Variants in POT1 observed in about 807,000 individuals in gnomAD.
POT1 encodes the protein protection of telomeres protein 1.
In POT1, 47 loss-of-function variants were observed where a neutral mutation model predicts 78.5. The ratio of observed to expected loss-of-function variants is 0.60; its 90% CI spans 0.47 to 0.76. POT1 has a LOEUF of 0.76. Among genes scored for constraint, POT1 ranks in the 30% least tolerant of loss-of-function variants. The probability of loss-of-function intolerance (pLI) is 0.00; values close to 1 mark genes in which losing one functional copy is unlikely to be tolerated. For missense variants in POT1, 646 were observed against 749.9 expected (o/e 0.86, Z 1.62); for synonymous variants, 259 against 260.7 (o/e 0.99, Z 0.06).
At chr7:124,878,428 A>G (rs1331281306) in intron 6 of POT1, among the ~76,000 whole-genome samples, 1 of 152,188 alleles carries the variant, frequency 6.6e-6, no homozygotes, top group Non-Finnish European at 1.5e-5. Flanking sequence ...CAGTGTGGTG[A>G]CCATACTTAA....
intron 14 of POT1, 65 bp downstream of exon 14, chr7:124,840,908 A>G: frequency 7.6e-7 from 1 of 1,310,538 alleles, no homozygotes; most frequent in South Asian, 1.3e-5. Flanking sequence ...TGTATTAAAC[A>G]ATAATTAATT....
chr7:124,823,780 C>A lies in POT1; in HGVS notation c.*182G>T, dbSNP rs1794563135. ...AGCAAAACAGAAAGCAAAACAAAAT[C>A]CATAGCCATTATTTACCTTGCACCC... On this transcript the variant is annotated 3_prime_UTR_variant, in exon 19 of 19. Coordinates refer to ENST00000357628, the MANE Select transcript of POT1 (RefSeq NM_015450.3). The A allele has an allele frequency of 1.8e-6, 1 of 548,300 alleles. No individual in the cohort carries two copies. Among genetic ancestry groups the A allele is most frequent in the Non-Finnish European group, 3.2e-6 (1 of 313,030 alleles). The allele number at this position is 548,300 out of a possible 1,614,324, so 34.0% of individuals were successfully genotyped here. A position where few individuals can be genotyped will look rare whatever the true frequency, so the allele number is the denominator to read the frequency against.
chr7:124,827,074 A>G (rs1007076394), intron 17 of POT1, 140 bp downstream of exon 17: 3 of 404,074 alleles, frequency 7.4e-6, no homozygotes, highest in African/African-American at 2.1e-5. Context: ...AGATGATTCA[A>G]GATTTATGTG....
At chr7:124,905,408 T>A (rs1796739268) in intron 3 of POT1, among the ~76,000 whole-genome samples, 1 of 152,118 alleles carries the variant, frequency 6.6e-6, no homozygotes, top group African/African-American at 2.4e-5. Flanking sequence ...TAAATGGTGC[T>A]GGGAAAACTG....
At chr7:124,905,936 A>T (rs1796754822) in intron 3 of POT1, among the ~76,000 whole-genome samples, 1 of 152,184 alleles carries the variant, frequency 6.6e-6, no homozygotes, top group African/African-American at 2.4e-5. Flanking sequence ...AACCACAATG[A>T]GATACCATCT....
chr7:124,891,252 A>G (rs1412559195), intron 6 of POT1, among the ~76,000 whole-genome samples: 1 of 151,678 alleles, frequency 6.6e-6, no homozygotes, highest in Non-Finnish European at 1.5e-5. Context: ...CCCTTTTATC[A>G]TTATGTGATA....
chr7:124,828,865 T>C (rs1794693098), intron 16 of POT1: 3 of 528,548 alleles, frequency 5.7e-6, no homozygotes, highest in South Asian at 4.2e-5. Context: ...ACAATGACAT[T>C]TCAGGCTAGT....
intron 3 of POT1, among the ~76,000 whole-genome samples, chr7:124,909,890 T>A (rs1796851534): frequency 6.6e-6 from 1 of 151,906 alleles, no homozygotes; most frequent in African/African-American, 2.4e-5. Context: ...GTGAAATATA[T>A]TTAAAATATA....
At chr7:124,924,474 A>G (rs1305362377) in intron 2 of POT1, among the ~76,000 whole-genome samples, 10 of 151,424 alleles carry the variant, frequency 6.6e-5, no homozygotes, top group Admixed American at 4.0e-4. Context: ...GCAAGACTGT[A>G]TCAGTAATAA....
intron 12 of POT1, 64 bp downstream of exon 12, chr7:124,846,878 G>A: frequency 8.8e-7 from 1 of 1,135,728 alleles, no homozygotes; most frequent in Non-Finnish European, 1.3e-6. Flanking sequence ...TAGCTGGTAA[G>A]TGTAGAGGCA....
At chr7:124,896,139 A>G (rs1200459796) in intron 5 of POT1, among the ~76,000 whole-genome samples, 1 of 151,744 alleles carries the variant, frequency 6.6e-6, no homozygotes, top group African/African-American at 2.4e-5. Context: ...CTTGATATCA[A>G]CTGCAAGATC....
intron 11 of POT1, among the ~76,000 whole-genome samples, chr7:124,850,359 C>G (rs1795273184): frequency 6.6e-6 from 1 of 152,174 alleles, no homozygotes; most frequent in Admixed American, 6.5e-5. Flanking sequence ...ATATGATATC[C>G]ATCCATCAAA....
intron 18 of POT1, 69 bp downstream of exon 18, chr7:124,825,182 AC>A: frequency 1.0e-6 from 1 of 952,656 alleles, no homozygotes; most frequent in Non-Finnish European, 1.6e-6. Context: ...CTAAAAGTCC[AC>A]AGAGTACATA....
chr7:124,913,083 T>A (rs1171226384), intron 3 of POT1, among the ~76,000 whole-genome samples: 3 of 152,098 alleles, frequency 2.0e-5, no homozygotes, highest in Non-Finnish European at 4.4e-5. Context: ...CTCTCGTTTT[T>A]AAAATCATCT....
At chr7:124,914,876 C>G (rs1796980545) in intron 3 of POT1, among the ~76,000 whole-genome samples, 1 of 152,116 alleles carries the variant, frequency 6.6e-6, no homozygotes, top group Non-Finnish European at 1.5e-5. Flanking sequence ...ACAATTGCAA[C>G]TCAATTTTCT....
At chr7:124,887,258 T>C (rs1379292580) in intron 6 of POT1, among the ~76,000 whole-genome samples, 1 of 152,100 alleles carries the variant, frequency 6.6e-6, no homozygotes, top group African/African-American at 2.4e-5. Flanking sequence ...CACAAATTTC[T>C]CTACTTCAAC....
chr7:124,846,874 G>T (rs372397583), intron 12 of POT1, 68 bp downstream of exon 12: 1 of 1,070,796 alleles, frequency 9.3e-7, no homozygotes, highest in East Asian at 2.4e-5. Context: ...GGATTAGCTG[G>T]TAAGTGTAGA....
chr7:124,891,150 T>C (rs751655763), intron 6 of POT1, among the ~76,000 whole-genome samples: 4 of 151,790 alleles, frequency 2.6e-5, no homozygotes, highest in Non-Finnish European at 4.4e-5. Context: ...TTGCTGTCTA[T>C]TTCTCCCTTC....
At chr7:124,905,694 C>G (rs1465977761) in intron 3 of POT1, among the ~76,000 whole-genome samples, 1 of 152,150 alleles carries the variant, frequency 6.6e-6, no homozygotes, top group Non-Finnish European at 1.5e-5. Flanking sequence ...TCAGAGTCAA[C>G]AGGCCACCTA....
Sources: gnomAD v4.1 joint callset for allele counts (sites outside exome capture counted in the v4.1 genomes callset) on GRCh38, gnomAD v4.1.1 for gene constraint, MANE v1.5 for transcripts, NCBI Gene and HGNC (gene_info 2026-07-23, HGNC 2026-07-21) for gene names.